CERS3: variants seen among roughly 807,000 people sequenced by gnomAD.
CERS3 encodes ceramide synthase 3.
Under a neutral mutation model 50.3 loss-of-function variants are expected in CERS3, and 33 were observed. That is an observed-to-expected ratio of 0.66 (90% CI 0.50 to 0.88). The LOEUF (loss-of-function observed/expected upper bound fraction) is 0.88, where lower values mean the gene tolerates loss of function less well. CERS3 is among the 40% of genes least tolerant of loss of function. The probability of loss-of-function intolerance (pLI) is 0.00; values close to 1 mark genes in which losing one functional copy is unlikely to be tolerated. For synonymous variants in CERS3, 176 were observed against 155.2 expected (o/e 1.13, Z -0.99); for missense variants, 470 against 460.3 (o/e 1.02, Z -0.19).
intron 1 of CERS3, among the ~76,000 whole-genome samples, chr15:100,534,980 C>A (rs929578677): frequency 1.3e-5 from 2 of 152,108 alleles, no homozygotes; most frequent in African/African-American, 4.8e-5. Context: ...GTTGTTCCAC[C>A]TTTCCAGACT....
intron 11 of CERS3, among the ~76,000 whole-genome samples, chr15:100,413,690 G>C (rs2031666236): frequency 6.9e-6 from 1 of 145,110 alleles, no homozygotes; most frequent in South Asian, 2.2e-4. Flanking sequence ...TGGGGAAAAA[G>C]AAACACTCAT....
At chr15:100,516,454 G>C (rs1030981020) in intron 2 of CERS3, among the ~76,000 whole-genome samples, 1 of 152,164 alleles carries the variant, frequency 6.6e-6, no homozygotes, top group African/African-American at 2.4e-5. Context: ...CTACCACAAA[G>C]ACCTGTCGTG....
intron 10 of CERS3, among the ~76,000 whole-genome samples, chr15:100,463,052 C>T (rs1596703786): frequency 6.6e-6 from 1 of 152,266 alleles, no homozygotes; most frequent in African/African-American, 2.4e-5. Flanking sequence ...TATGTATATT[C>T]ATACATGTGT....
rs114522595 is a variant in CERS3, at chr15:100,520,203, C to T, written c.-2+1464G>A. Among the ~76,000 whole-genome samples the T allele has an allele frequency of 8.1e-3, 1,230 of 152,296 alleles. 10 individuals are homozygous for T. Among genetic ancestry groups the T allele is most frequent in the African/African-American group, 0.027 (1,106 of 41,548 alleles). On this transcript the variant is annotated intron_variant, in intron 2 of 11. Coordinates refer to ENST00000679737, the MANE Select transcript of CERS3 (RefSeq NM_001378789.1). ...GACTTGGGGAGGGGAAGGCAGGGGA[C>T]GTAGCATGCAGTGGCCACACACATG...
At chr15:100,482,108 T>C (rs1280238570) in intron 5 of CERS3, among the ~76,000 whole-genome samples, 1 of 152,192 alleles carries the variant, frequency 6.6e-6, no homozygotes, top group Admixed American at 6.5e-5. Context: ...CAAGGGGTCT[T>C]GACACCAAAA....
chr15:100,489,206 C>T (rs1038098346), intron 4 of CERS3, among the ~76,000 whole-genome samples: 1 of 152,080 alleles, frequency 6.6e-6, no homozygotes, highest in Admixed American at 6.5e-5. Flanking sequence ...TTTAACATTC[C>T]ATTTACAGAT....
Position 100,535,777 on chromosome 15 carries a change from ACGGGAAG to A in CERS3, c.-354-6709_-354-6703del, listed in dbSNP as rs1228257245. 6.9e-3 allele frequency among the ~76,000 whole-genome samples: 961 copies of A among 138,826 alleles called. 88 individuals are homozygous for A. The highest frequency in any genetic ancestry group is 0.021 in the South Asian group (85 of 4,028). 91.1% of individuals were successfully genotyped at this position (138,826 alleles called of 152,430 possible). A position where few individuals can be genotyped will look rare whatever the true frequency, so the allele number is the denominator to read the frequency against. Reference sequence around the variant, plus strand: ...GGGACATCCCTATGTTCATATGTGCACGGGAAGTGGGGACATCCCTATGCTCATATGT... The same window carrying A: ...GGGACATCCCTATGTTCATATGTGCATGGGGACATCCCTATGCTCATATGT... On this transcript the variant is annotated intron_variant, in intron 1 of 12. Coordinates refer to the CERS3 transcript ENST00000284382.
At chr15:100,468,429 A>G (rs934037023) in intron 10 of CERS3, among the ~76,000 whole-genome samples, 7 of 152,184 alleles carry the variant, frequency 4.6e-5, no homozygotes, top group East Asian at 1.9e-4. Context: ...CCGAATACAC[A>G]TGGTCTAAAG....
chr15:100,467,810 T>C (rs1383410055), intron 10 of CERS3, among the ~76,000 whole-genome samples: 1 of 77,974 alleles, frequency 1.3e-5, no homozygotes, highest in African/African-American at 3.9e-5. Context: ...TATATATACG[T>C]CTATATATAT....
chr15:100,433,622 C>A (rs1310809311), intron 11 of CERS3, among the ~76,000 whole-genome samples: 1 of 152,150 alleles, frequency 6.6e-6, no homozygotes, highest in Admixed American at 6.5e-5. Flanking sequence ...CAGAGTTCAA[C>A]TTCTCCCTTT....
chr15:100,432,893 G>A (rs988929408), intron 11 of CERS3, among the ~76,000 whole-genome samples: 1 of 152,148 alleles, frequency 6.6e-6, no homozygotes, highest in Non-Finnish European at 1.5e-5. Flanking sequence ...CTCCATAACT[G>A]AGATATTGTC....
chr15:100,402,451 T>C lies in CERS3; in HGVS notation c.*262A>G. On this transcript the variant is annotated 3_prime_UTR_variant, in exon 12 of 12. Coordinates refer to ENST00000679737, the MANE Select transcript of CERS3 (RefSeq NM_001378789.1). ...AGTGACATGCATGAGGGAGTGCAAT[T>C]AGAACTGAGACGGTTCTGTGGAGAA... 2.2e-6 allele frequency: 1 copy of C among 448,788 alleles called. No individual in the cohort carries two copies. The highest frequency in any genetic ancestry group is 3.1e-5 in the South Asian group (1 of 32,374). 27.8% of individuals were successfully genotyped at this position (448,788 alleles called of 1,614,324 possible). A position where few individuals can be genotyped will look rare whatever the true frequency, so the allele number is the denominator to read the frequency against.
chr15:100,490,381 T>C (rs1030666958), intron 4 of CERS3, among the ~76,000 whole-genome samples: 1 of 152,174 alleles, frequency 6.6e-6, no homozygotes, highest in African/African-American at 2.4e-5. Flanking sequence ...GTCCTACTCA[T>C]GAAAGCGACC....
At chr15:100,530,914 C>G (rs567474294), upstream of CERS3, among the ~76,000 whole-genome samples, 2 of 152,102 alleles carry the variant, frequency 1.3e-5, no homozygotes, top group African/African-American at 4.8e-5. Context: ...GAAACCCTAT[C>G]TCTATTAAAA....
intron 2 of CERS3, among the ~76,000 whole-genome samples, chr15:100,512,584 G>C (rs1503481): frequency 0.013 from 2,036 of 152,212 alleles, 23 homozygotes; most frequent in East Asian, 0.029. Context: ...CTCTTCCTTG[G>C]GTGCTCAATA....
upstream of CERS3, among the ~76,000 whole-genome samples, chr15:100,530,251 TA>T (rs1366737826): frequency 1.3e-5 from 2 of 152,236 alleles, no homozygotes; most frequent in African/African-American, 4.8e-5. Flanking sequence ...AATTGTCACC[TA>T]ACTCACATTC....
intron 2 of CERS3, among the ~76,000 whole-genome samples, chr15:100,516,173 G>T (rs2036482367): frequency 6.6e-6 from 1 of 152,164 alleles, no homozygotes; most frequent in South Asian, 2.1e-4. Flanking sequence ...AACTCATCCG[G>T]TTAGAAAGGG....
intron 11 of CERS3, among the ~76,000 whole-genome samples, chr15:100,411,199 G>A (rs953588920): frequency 4.6e-5 from 7 of 151,762 alleles, no homozygotes; most frequent in Non-Finnish European, 7.4e-5. Flanking sequence ...TTTCATTCTC[G>A]TTGCCCAGGC....
chr15:100,517,052 C>T (rs1271279252), intron 2 of CERS3, among the ~76,000 whole-genome samples: 1 of 152,210 alleles, frequency 6.6e-6, no homozygotes, highest in Non-Finnish European at 1.5e-5. Flanking sequence ...CTCACAGAGC[C>T]TGAAAGCTTA....
Sources: allele counts gnomAD v4.1 joint callset (sites outside exome capture counted in the v4.1 genomes callset), GRCh38; gene constraint gnomAD v4.1.1; transcripts MANE v1.5; gene names NCBI Gene and HGNC (gene_info 2026-07-23, HGNC 2026-07-21).